Variants in IL19 observed in about 807,000 individuals in gnomAD.
The protein encoded by IL19 is interleukin 19.
IL19 carries 15 observed loss-of-function variants against 19.5 expected under a neutral mutation model. The ratio of observed to expected loss-of-function variants is 0.77; its 90% CI spans 0.52 to 1.19. IL19 has a LOEUF of 1.19. IL19 is among the 50% of genes most tolerant of loss of function. IL19 has a pLI of 0.00. For synonymous variants in IL19, 78 were observed against 78.3 expected, an observed-to-expected ratio of 1.00 and a Z score of 0.02; for missense variants, 199 against 213.1, an observed-to-expected ratio of 0.93 and a Z score of 0.41.
At chr1:206,831,822 A>T (rs539469836) in intron 2 of IL19, among the ~76,000 whole-genome samples, 2 of 152,358 alleles carry the variant, frequency 1.3e-5, no homozygotes, top group Admixed American at 6.5e-5. Flanking sequence ...GGTACACCAC[A>T]TGCTGGAAGA....
At chr1:206,804,298 T>G (rs1248924425) in intron 2 of IL19, among the ~76,000 whole-genome samples, 1 of 152,196 alleles carries the variant, frequency 6.6e-6, no homozygotes, top group Non-Finnish European at 1.5e-5. Flanking sequence ...AGGGTTCCTG[T>G]GCTGGGAGTG....
intron 5 of IL19, chr1:206,840,215 C>A: frequency 1.4e-6 from 1 of 696,754 alleles, no homozygotes. Flanking sequence ...ATGGTCTCCT[C>A]CTAGATAACC....
Position 206,770,944 on chromosome 1 carries a change from T to TC in IL19, c.-278dup. On this transcript the variant is annotated 5_prime_UTR_variant, in exon 1 of 7. Coordinates refer to ENST00000659997, the MANE Select transcript of IL19 (RefSeq NM_153758.5). ...CCTCAGCCTGAGGGTCTTCAGGTTC[T>TC]CCCCCAGGGAGTTCACATGCGCCTT... 1 of 1,614,114 alleles carries TC rather than the reference T, an allele frequency of 6.2e-7. No homozygotes were observed. The highest frequency in any genetic ancestry group is 8.5e-7 in the Non-Finnish European group (1 of 1,179,972).
intron 2 of IL19, among the ~76,000 whole-genome samples, chr1:206,815,669 A>G (rs1676137018): frequency 6.6e-6 from 1 of 152,214 alleles, no homozygotes; most frequent in Non-Finnish European, 1.5e-5. Context: ...TAGTCTTGGT[A>G]AGAAAATGAC....
chr1:206,823,426 G>A (rs1335545560), intron 2 of IL19, among the ~76,000 whole-genome samples: 10 of 151,824 alleles, frequency 6.6e-5, no homozygotes, highest in African/African-American at 2.4e-4. Flanking sequence ...GTGGTGGCGT[G>A]CGCCTGCAGT....
intron 1 of IL19, among the ~76,000 whole-genome samples, chr1:206,787,722 A>G (rs1384650594): frequency 6.6e-6 from 1 of 152,256 alleles, no homozygotes; most frequent in East Asian, 1.9e-4. Context: ...CTTTAAAGCC[A>G]TAAAATAGCT....
At chr1:206,829,439 G>A (rs771538570) in intron 2 of IL19, among the ~76,000 whole-genome samples, 4 of 152,154 alleles carry the variant, frequency 2.6e-5, no homozygotes, top group Non-Finnish European at 5.9e-5. Context: ...CTGGAGCTAG[G>A]TTTTGAACGT....
At chr1:206,839,175 G>C (rs1195147208) in intron 4 of IL19, among the ~76,000 whole-genome samples, 1 of 152,154 alleles carries the variant, frequency 6.6e-6, no homozygotes. Flanking sequence ...TATTTCTTTG[G>C]GACATCTGCA....
chr1:206,827,972 A>G (rs1332267729), intron 2 of IL19, among the ~76,000 whole-genome samples: 1 of 152,250 alleles, frequency 6.6e-6, no homozygotes, highest in Non-Finnish European at 1.5e-5. Context: ...GTGAAGATGA[A>G]AACAGACAAT....
At position 206,811,369 on chromosome 1, in the gene IL19, A is replaced by G. The variant is rs932395404; in HGVS notation, c.-3+12363A>G. Among the ~76,000 whole-genome samples the G allele has an allele frequency of 1.9e-4, 29 of 149,556 alleles. 1 individual carries two copies. The highest frequency in any genetic ancestry group is 1.1e-3 in the South Asian group (5 of 4,686). ...TGAGGCGGGAGAATGGCGAGAACCC[A>G]GGAGGTGGAGCTTGTAGTGAGCCGA... On this transcript the variant is annotated intron_variant, in intron 2 of 6. Coordinates refer to ENST00000659997, the MANE Select transcript of IL19 (RefSeq NM_153758.5).
intron 2 of IL19, among the ~76,000 whole-genome samples, chr1:206,802,445 C>T (rs1281067358): frequency 2.0e-5 from 3 of 152,102 alleles, no homozygotes; most frequent in South Asian, 2.1e-4. Flanking sequence ...CGAACAGCAC[C>T]TTTATCAAGC....
intron 2 of IL19, among the ~76,000 whole-genome samples, chr1:206,823,448 G>C (rs955044556): frequency 6.6e-6 from 1 of 151,576 alleles, no homozygotes; most frequent in Non-Finnish European, 1.5e-5. Context: ...CCAGCTACTC[G>C]GGTTGCTGAG....
intron 2 of IL19, among the ~76,000 whole-genome samples, chr1:206,832,874 G>A (rs1396328736): frequency 1.3e-5 from 2 of 152,124 alleles, no homozygotes; most frequent in Non-Finnish European, 2.9e-5. Flanking sequence ...CAAGTCCCTG[G>A]GGTTTCTTTC....
chr1:206,796,721 T>C (rs752670152), intron 1 of IL19, among the ~76,000 whole-genome samples: 4 of 152,260 alleles, frequency 2.6e-5, no homozygotes, highest in Non-Finnish European at 4.4e-5. Flanking sequence ...GCCTATCTTA[T>C]TGTGTAAATA....
intron 2 of IL19, among the ~76,000 whole-genome samples, chr1:206,807,992 A>G (rs1675893158): frequency 6.6e-6 from 1 of 152,236 alleles, no homozygotes; most frequent in African/African-American, 2.4e-5. Flanking sequence ...CAGTAAATAA[A>G]CACATTCATT....
chr1:206,801,168 T>TCA lies in IL19; in HGVS notation c.-3+2162_-3+2163insCA, dbSNP rs1558612047. On this transcript the variant is annotated intron_variant, in intron 2 of 6. Transcript: ENST00000659997. ...TCAAAGAAAGTTGTCCATTCGTAGT[T>TCA]TAAAAAAAAAAAAAAACCACAGATG... 9.2e-4 allele frequency among the ~76,000 whole-genome samples: 109 copies of TCA among 118,396 alleles called. No homozygotes were observed. In the South Asian group the frequency reaches 0.011, roughly 12 times the overall value. The allele number at this position is 118,396 out of a possible 152,430, so 77.7% of individuals were successfully genotyped here.
intron 2 of IL19, among the ~76,000 whole-genome samples, chr1:206,824,259 GAGCCTT>G (rs759740331): frequency 1.7e-4 from 26 of 152,302 alleles, no homozygotes; most frequent in Non-Finnish European, 3.2e-4. Context: ...TTCAATCATT[GAGCCTT>G]AGCCTTCCCA....
At chr1:206,834,232 C>T in intron 2 of IL19, 2 of 984,970 alleles carry the variant, frequency 2.0e-6, no homozygotes, top group Non-Finnish European at 2.4e-6. Context: ...TAAGGAAATA[C>T]AATACTAAGA....
At chr1:206,793,202 C>G (rs766486835) in intron 1 of IL19, among the ~76,000 whole-genome samples, 1 of 152,206 alleles carries the variant, frequency 6.6e-6, no homozygotes, top group East Asian at 1.9e-4. Flanking sequence ...GGACTTCTGC[C>G]GATGACTTTT....
Sources: gnomAD v4.1 joint callset for allele counts (sites outside exome capture counted in the v4.1 genomes callset) on GRCh38, gnomAD v4.1.1 for gene constraint, MANE v1.5 for transcripts, NCBI Gene and HGNC (gene_info 2026-07-23, HGNC 2026-07-21) for gene names.